Variants in CCDC91 observed in about 807,000 individuals in gnomAD.
CCDC91 encodes coiled-coil domain containing 91.
A neutral mutation model predicts 63.2 loss-of-function variants in CCDC91; 48 were observed. The observed-to-expected ratio is 0.76, with a 90% CI of 0.60 to 0.97. The LOEUF is 0.97. Among genes scored for constraint, CCDC91 ranks in the 50% least tolerant of loss-of-function variants. The pLI is 0.00. For synonymous variants in CCDC91, 167 were observed against 165.8 expected (o/e 1.01, Z -0.06); for missense variants, 500 against 494.6 (o/e 1.01, Z -0.10).
At chr12:28,331,298 C>T (rs1941487919) in intron 6 of CCDC91, among the ~76,000 whole-genome samples, 1 of 152,158 alleles carries the variant, frequency 6.6e-6, no homozygotes, top group Non-Finnish European at 1.5e-5. Flanking sequence ...TCAGTAATCT[C>T]CTGGATGAAT....
chr12:28,423,019 A>G (rs1482620478), intron 8 of CCDC91, among the ~76,000 whole-genome samples: 1 of 152,038 alleles, frequency 6.6e-6, no homozygotes, highest in Non-Finnish European at 1.5e-5. Context: ...TACAAAGATA[A>G]CTTCTTTCTG....
chr12:28,313,833 T>C (rs746199660), intron 6 of CCDC91, among the ~76,000 whole-genome samples: 1 of 152,030 alleles, frequency 6.6e-6, no homozygotes, highest in Non-Finnish European at 1.5e-5. Flanking sequence ...TTCACAAAAC[T>C]TGAATAGAGA....
intron 11 of CCDC91, among the ~76,000 whole-genome samples, chr12:28,456,871 G>A (rs1950081113): frequency 1.3e-5 from 2 of 151,866 alleles, no homozygotes; most frequent in Admixed American, 6.6e-5. Flanking sequence ...TAGAAATTTT[G>A]GATTAATAAG....
At chr12:28,347,438 T>C (rs1202434299) in intron 6 of CCDC91, among the ~76,000 whole-genome samples, 1 of 152,242 alleles carries the variant, frequency 6.6e-6, no homozygotes, top group African/African-American at 2.4e-5. Context: ...GACATTAGAA[T>C]TGCTGCTGTG....
At position 28,323,612 on chromosome 12, in the gene CCDC91, A is replaced by G. The variant is rs949398695; in HGVS notation, c.576+15863A>G. Among the ~76,000 whole-genome samples the G allele has an allele frequency of 3.3e-4, 50 of 151,970 alleles. 2 individuals are homozygous for G. The highest frequency in any genetic ancestry group is 5.9e-5 in the Non-Finnish European group (4 of 67,930). On this transcript the variant is annotated intron_variant, in intron 6 of 12. Coordinates refer to ENST00000536442, the MANE Select transcript of CCDC91 (RefSeq NM_018318.5). ...CTGTTACTCTTAACAGTTGAATTTA[A>G]TAATCATTTAATCAAGGTTTTAAAC...
chr12:28,538,259 C>T (rs1942343860), intron 12 of CCDC91, among the ~76,000 whole-genome samples: 1 of 109,136 alleles, frequency 9.2e-6, no homozygotes, highest in African/African-American at 3.5e-5. Context: ...CTCCCCCTTC[C>T]CCCCCCCCCA....
At chr12:28,483,817 C>A (rs975685884) in intron 11 of CCDC91, among the ~76,000 whole-genome samples, 1 of 152,074 alleles carries the variant, frequency 6.6e-6, no homozygotes, top group Non-Finnish European at 1.5e-5. Context: ...GTCAGGCACT[C>A]CCTGCAATAA....
chr12:28,276,018 C>T (rs1364707398), intron 3 of CCDC91, among the ~76,000 whole-genome samples: 2 of 152,070 alleles, frequency 1.3e-5, no homozygotes, highest in Non-Finnish European at 2.9e-5. Flanking sequence ...CAATATCATA[C>T]TGAATGGACA....
intron 12 of CCDC91, among the ~76,000 whole-genome samples, chr12:28,488,052 C>T (rs1951815587): frequency 6.6e-6 from 1 of 151,670 alleles, no homozygotes; most frequent in South Asian, 2.1e-4. Flanking sequence ...TATGAGGTTA[C>T]ATAGCTCTTT....
intron 8 of CCDC91, among the ~76,000 whole-genome samples, chr12:28,426,315 A>T (rs1948313977): frequency 6.6e-6 from 1 of 152,164 alleles, no homozygotes; most frequent in Non-Finnish European, 1.5e-5. Flanking sequence ...ATGCTGCGGT[A>T]GTGTTCCCTG....
intron 1 of CCDC91, among the ~76,000 whole-genome samples, chr12:28,209,196 T>G (rs1454305401): frequency 6.6e-6 from 1 of 152,322 alleles, no homozygotes; most frequent in Non-Finnish European, 1.5e-5. Context: ...TCAATCCCAA[T>G]TTTTAATAAA....
At chr12:28,242,904 T>A (rs1239898832) in intron 1 of CCDC91, among the ~76,000 whole-genome samples, 1 of 152,106 alleles carries the variant, frequency 6.6e-6, no homozygotes, top group African/African-American at 2.4e-5. Flanking sequence ...CCCCTCTTGC[T>A]CCTACTTCTG....
chr12:28,330,817 G>T lies in CCDC91; in HGVS notation c.576+23068G>T, dbSNP rs144550333. 8.9e-3 allele frequency among the ~76,000 whole-genome samples: 1,355 copies of T among 152,228 alleles called. 53 individuals carry two copies. Among genetic ancestry groups the T allele is most frequent in the Admixed American group, 0.069 (1,056 of 15,272 alleles). The stretch of plus-strand genomic sequence containing the variant: ...TACTACACTTTAGATTATTGCTGTT[G>T]TAGAGCTTATAACAATCCAGTGGGT... On this transcript the variant is annotated intron_variant, in intron 6 of 12. Coordinates refer to ENST00000536442, the MANE Select transcript of CCDC91 (RefSeq NM_018318.5).
chr12:28,433,004 A>G (rs1186198256), intron 8 of CCDC91, among the ~76,000 whole-genome samples: 2 of 152,002 alleles, frequency 1.3e-5, no homozygotes, highest in East Asian at 3.8e-4. Flanking sequence ...GCTTATTGCC[A>G]TCTCTGTATC....
chr12:28,208,860 G>T (rs1405435603), intron 1 of CCDC91, among the ~76,000 whole-genome samples: 2 of 152,086 alleles, frequency 1.3e-5, no homozygotes, highest in Admixed American at 1.3e-4. Context: ...GAGTGCAGTG[G>T]CATGATCTTG....
intron 11 of CCDC91, among the ~76,000 whole-genome samples, chr12:28,467,078 C>T (rs1226374905): frequency 6.6e-6 from 1 of 151,988 alleles, no homozygotes; most frequent in Non-Finnish European, 1.5e-5. Flanking sequence ...GACTACAAAA[C>T]AACCACACAC....
chr12:28,330,595 C>T lies in CCDC91; in HGVS notation c.576+22846C>T, dbSNP rs149901660. On this transcript the variant is annotated intron_variant, in intron 6 of 12. Coordinates refer to ENST00000536442, the MANE Select transcript of CCDC91 (RefSeq NM_018318.5). ...TCACTCTGATGGTAGTTTCTTTTGC[C>T]GTGCAGAAGCTCTTTAGTTTAATTA... Among the ~76,000 whole-genome samples the T allele has an allele frequency of 1.9e-4, 29 of 151,794 alleles. 1 individual carries two copies. Among genetic ancestry groups the T allele is most frequent in the African/African-American group, 5.6e-4 (23 of 41,410 alleles).
chr12:28,499,263 G>C (rs1316929085), intron 12 of CCDC91, among the ~76,000 whole-genome samples: 2 of 151,650 alleles, frequency 1.3e-5, no homozygotes, highest in Non-Finnish European at 3.0e-5. Context: ...ACTTCTGTTG[G>C]TTAAGTAGTA....
At position 28,397,651 on chromosome 12, in the gene CCDC91, G is replaced by T. The variant is rs144108804; in HGVS notation, c.762+6240G>T. ...GTAAATATAATTTTAAATACTATTT[G>T]TATCTTTGATTATAGCATTTATGAA... On this transcript the variant is annotated intron_variant, in intron 8 of 12. Transcript: ENST00000536442. Among the ~76,000 whole-genome samples the T allele has an allele frequency of 3.3e-4, 50 of 152,202 alleles. 1 individual carries two copies. Among genetic ancestry groups the T allele is most frequent in the Middle Eastern group, 3.4e-3 (1 of 294 alleles).
Sources: allele counts gnomAD v4.1 joint callset (sites outside exome capture counted in the v4.1 genomes callset), GRCh38; gene constraint gnomAD v4.1.1; transcripts MANE v1.5; gene names NCBI Gene and HGNC (gene_info 2026-07-23, HGNC 2026-07-21).